Variants in TDRD1 observed in about 807,000 individuals in gnomAD.
TDRD1 encodes tudor domain containing 1.
In TDRD1, 37 loss-of-function variants were observed where a neutral mutation model predicts 140.6. The ratio of observed to expected loss-of-function variants is 0.26; its 90% CI spans 0.20 to 0.35. The LOEUF is 0.35. Among genes scored for constraint, TDRD1 ranks in the 10% least tolerant of loss-of-function variants. The pLI, the probability that TDRD1 is intolerant of heterozygous loss-of-function variation, is 1.00. For synonymous variants in TDRD1, 506 were observed against 475.7 expected, an observed-to-expected ratio of 1.06 and a Z score of -0.83; for missense variants, 1,243 against 1,393.0, an observed-to-expected ratio of 0.89 and a Z score of 1.71.
chr10:114,228,645 C>G, intron 25 of TDRD1: 1 of 985,434 alleles, frequency 1.0e-6, no homozygotes, highest in Non-Finnish European at 1.2e-6. Flanking sequence ...CTGCTTTTGG[C>G]TGTGGTGATT....
chr10:114,221,979 TGTA>T (rs1280848113), intron 20 of TDRD1, among the ~76,000 whole-genome samples: 9 of 152,246 alleles, frequency 5.9e-5, no homozygotes, highest in Non-Finnish European at 8.8e-5. Flanking sequence ...ACTTTATCCT[TGTA>T]GTATCTGAAG....
At chr10:114,176,362 CCT>C (rs1472864421), upstream of TDRD1, among the ~76,000 whole-genome samples, 2 of 151,672 alleles carry the variant, frequency 1.3e-5, no homozygotes, top group East Asian at 3.9e-4. The surrounding 1 kb of genome is among the most constrained non-coding windows in gnomAD (Gnocchi z 4.2). Flanking sequence ...AAGAGAAACC[CCT>C]TTTTAAAATA....
At chr10:114,178,925 A>C (rs1159440421), upstream of TDRD1, among the ~76,000 whole-genome samples, 1 of 152,182 alleles carries the variant, frequency 6.6e-6, no homozygotes, top group Non-Finnish European at 1.5e-5. Flanking sequence ...CAACAGGTAT[A>C]ATCACATGCC....
At chr10:114,185,727 A>G (rs1330040521) in intron 1 of TDRD1, among the ~76,000 whole-genome samples, 1 of 151,706 alleles carries the variant, frequency 6.6e-6, no homozygotes, top group East Asian at 2.0e-4. Context: ...AGCTGGGATT[A>G]CAGGCGTACA....
intron 10 of TDRD1, 70 bp downstream of exon 10, chr10:114,204,963 G>C: frequency 1.4e-6 from 2 of 1,389,094 alleles, no homozygotes; most frequent in Non-Finnish European, 9.5e-7. Flanking sequence ...CAGAAGAAAC[G>C]GAAACATCAA....
chr10:114,219,252 G>A (rs548307576), intron 18 of TDRD1, among the ~76,000 whole-genome samples: 5 of 152,306 alleles, frequency 3.3e-5, no homozygotes, highest in African/African-American at 7.2e-5. Flanking sequence ...TCTATGAGAC[G>A]TTTAGGCAAA....
At chr10:114,193,266 TC>T (rs1208863361) in intron 3 of TDRD1, among the ~76,000 whole-genome samples, 2 of 151,892 alleles carry the variant, frequency 1.3e-5, no homozygotes, top group African/African-American at 2.4e-5. Flanking sequence ...ATGTTTATCT[TC>T]TATCTGTGAC....
At position 114,202,223 on chromosome 10, in the gene TDRD1, G is replaced by A. The variant is rs1169832877; in HGVS notation, c.636-15G>A. The A allele has an allele frequency of 2.5e-6, 4 of 1,593,112 alleles. No individual in the cohort carries two copies. The highest frequency in any genetic ancestry group is 3.5e-5 in the Admixed American group (2 of 57,768). ...CTCTGTAGTATAAATATTGTAATCT[G>A]TTGCTTTATTGCAGTTTCCACAAAC... On this transcript the variant is annotated splice_polypyrimidine_tract_variant and intron_variant, in intron 5 of 25. Coordinates refer to ENST00000251864, the Ensembl canonical transcript of TDRD1.
intron 25 of TDRD1, chr10:114,228,201 T>C: frequency 6.7e-7 from 1 of 1,489,312 alleles, no homozygotes; most frequent in Non-Finnish European, 8.9e-7. Context: ...ATTGGCAGGA[T>C]AGAGCTAATG....
At chr10:114,214,760 T>C (rs1350309820) in intron 16 of TDRD1, among the ~76,000 whole-genome samples, 1 of 151,294 alleles carries the variant, frequency 6.6e-6, no homozygotes, top group Non-Finnish European at 1.5e-5. Context: ...TTCATTGAGA[T>C]GGAGTCTCGC....
At chr10:114,225,380 G>A (rs938171034) in intron 21 of TDRD1, among the ~76,000 whole-genome samples, 2 of 152,068 alleles carry the variant, frequency 1.3e-5, no homozygotes, top group African/African-American at 2.4e-5. Flanking sequence ...AGCACCAATC[G>A]TTGAGACTTC....
At chr10:114,201,359 T>G in intron 4 of TDRD1, 51 bp from the exon 5 acceptor site, 130 of 1,453,074 alleles carry the variant, frequency 8.9e-5, no homozygotes, top group Non-Finnish European at 1.1e-4. Flanking sequence ...GTGTGGACTT[T>G]GAGAATGTCT....
rs1589682835 is a variant in TDRD1, at chr10:114,203,368, T to C, written c.802-20T>C. The C allele has an allele frequency of 1.1e-6, 1 of 917,386 alleles. No individual in the cohort carries two copies. Among genetic ancestry groups the C allele is most frequent in the South Asian group, 1.7e-5 (1 of 58,936 alleles). 56.8% of individuals were successfully genotyped at this position (917,386 alleles called of 1,614,324 possible). A position where few individuals can be genotyped will look rare whatever the true frequency, so the allele number is the denominator to read the frequency against. On this transcript the variant is annotated intron_variant, in intron 7 of 25. Coordinates refer to ENST00000251864, the Ensembl canonical transcript of TDRD1. The stretch of plus-strand genomic sequence containing the variant: ...TTGTGTGCCTTATGAATTATTCCTC[T>C]TTTTTTTTATCTTTGAAAGGGTACG...
chr10:114,215,163 G>T (rs1460579182), intron 16 of TDRD1, among the ~76,000 whole-genome samples: 1 of 152,132 alleles, frequency 6.6e-6, no homozygotes, highest in Non-Finnish European at 1.5e-5. Flanking sequence ...CCTTGCTGCT[G>T]CCCCCTGCAC....
At chr10:114,181,710 TG>T (rs1201334916) in intron 1 of TDRD1, among the ~76,000 whole-genome samples, 2 of 152,018 alleles carry the variant, frequency 1.3e-5, no homozygotes. Context: ...CCGGGCGTGA[TG>T]GGGCATGCCT....
chr10:114,222,514 G>T (rs971495035), intron 20 of TDRD1, 73 bp from the exon 21 acceptor site: 3 of 731,640 alleles, frequency 4.1e-6, no homozygotes, highest in African/African-American at 1.8e-5. Flanking sequence ...GATTAGACTT[G>T]CCATTCTTTT....
intron 3 of TDRD1, among the ~76,000 whole-genome samples, chr10:114,193,756 CAG>C (rs2034156072): frequency 6.6e-6 from 1 of 152,214 alleles, no homozygotes; most frequent in South Asian, 2.1e-4. Context: ...AGGTTTGAAT[CAG>C]AGTGACAGTG....
At chr10:114,189,129 T>C (rs1384624048) in intron 2 of TDRD1, among the ~76,000 whole-genome samples, 1 of 152,166 alleles carries the variant, frequency 6.6e-6, no homozygotes, top group African/African-American at 2.4e-5. Flanking sequence ...CAACCTGAGT[T>C]TTTCATCGTC....
chr10:114,191,043 G>A, intron 3 of TDRD1, 24 bp downstream of exon 3: 1 of 1,605,532 alleles, frequency 6.2e-7, no homozygotes, highest in Non-Finnish European at 8.5e-7. Context: ...TTGTGTGTGT[G>A]CTTGTTTGGG....
Sources: allele counts gnomAD v4.1 joint callset (sites outside exome capture counted in the v4.1 genomes callset), GRCh38; gene constraint gnomAD v4.1.1; non-coding constraint Gnocchi (gnomAD v3.1); transcripts MANE v1.5; gene names NCBI Gene and HGNC (gene_info 2026-07-23, HGNC 2026-07-21).